The following WDR7 variants were observed in gnomAD, a reference collection of about 807,000 sequenced individuals.
WDR7 encodes the protein WD repeat-containing protein 7.
A neutral mutation model predicts 169.4 loss-of-function variants in WDR7; 46 were observed. The observed-to-expected ratio is 0.27, with a 90% CI of 0.21 to 0.35. The LOEUF (loss-of-function observed/expected upper bound fraction) is 0.35. Ranked by LOEUF, WDR7 falls within the 10% of genes least tolerant of loss-of-function variation. The pLI, the probability that WDR7 is intolerant of heterozygous loss-of-function variation, is 1.00. For synonymous variants in WDR7, 612 were observed against 666.8 expected (o/e 0.92, Z 1.27); for missense variants, 1,534 against 1,859.3 (o/e 0.83, Z 3.22).
intron 12 of WDR7, among the ~76,000 whole-genome samples, chr18:56,710,510 T>G (rs139623329): frequency 1.3e-5 from 2 of 152,206 alleles, no homozygotes; most frequent in Non-Finnish European, 2.9e-5. Flanking sequence ...CAATTCTACC[T>G]TGGGTATTTA....
chr18:56,655,963 A>G (rs1244477858), intron 1 of WDR7, among the ~76,000 whole-genome samples: 1 of 152,184 alleles, frequency 6.6e-6, no homozygotes, highest in East Asian at 1.9e-4. Context: ...ATTCCATGGT[A>G]CGTATGTATC....
At chr18:56,905,410 A>G (rs2046462362) in intron 21 of WDR7, among the ~76,000 whole-genome samples, 1 of 152,056 alleles carries the variant, frequency 6.6e-6, no homozygotes, top group South Asian at 2.1e-4. Context: ...CAGCCTCCCA[A>G]AGTGCTGGGA....
Position 56,932,633 on chromosome 18 carries a change from C to T in WDR7, c.3714-3155C>T, listed in dbSNP as rs539000188. 3.3e-5 allele frequency among the ~76,000 whole-genome samples: 5 copies of T among 152,188 alleles called. No homozygotes were observed. The East Asian group carries it at 5.8e-4, about 18-fold the overall frequency. ...TTTATTGTACATATAATAGAGGAGC[C>T]GGCAGGGCTAGTTGTTTTTGTATTT... On this transcript the variant is annotated intron_variant, in intron 22 of 27. Coordinates refer to ENST00000254442, the MANE Select transcript of WDR7 (RefSeq NM_015285.3).
intron 25 of WDR7, among the ~76,000 whole-genome samples, chr18:56,960,537 G>T (rs1322822630): frequency 6.6e-6 from 1 of 152,072 alleles, no homozygotes; most frequent in Non-Finnish European, 1.5e-5. Context: ...TAAAACATTT[G>T]TTAGATATTA....
chr18:56,808,394 T>G (rs1332109619), intron 19 of WDR7, among the ~76,000 whole-genome samples: 1 of 152,188 alleles, frequency 6.6e-6, no homozygotes, highest in Non-Finnish European at 1.5e-5. Context: ...GCCATTCTTT[T>G]GGATCTATTT....
chr18:56,853,735 A>C (rs17756945), intron 20 of WDR7, among the ~76,000 whole-genome samples: 1 of 152,130 alleles, frequency 6.6e-6, no homozygotes, highest in African/African-American at 2.4e-5. Flanking sequence ...TTTGTCTCAT[A>C]TATTGGTATG....
intron 21 of WDR7, among the ~76,000 whole-genome samples, chr18:56,888,383 G>T (rs7233975): frequency 2.4e-4 from 36 of 152,184 alleles, no homozygotes; most frequent in Middle Eastern, 3.4e-3. Flanking sequence ...TATCCCTCTG[G>T]GTTGCAGAAT....
intron 20 of WDR7, among the ~76,000 whole-genome samples, chr18:56,856,160 G>C (rs944557964): frequency 1.3e-5 from 2 of 152,190 alleles, no homozygotes; most frequent in Non-Finnish European, 2.9e-5. Context: ...CTGACACACT[G>C]TGAGAGCTCT....
At chr18:56,722,935 A>G (rs2026355225) in intron 13 of WDR7, among the ~76,000 whole-genome samples, 1 of 152,134 alleles carries the variant, frequency 6.6e-6, no homozygotes, top group Non-Finnish European at 1.5e-5. Flanking sequence ...CTGCCGGGAA[A>G]TTAATCTTAG....
intron 19 of WDR7, among the ~76,000 whole-genome samples, chr18:56,790,660 G>T (rs966708130): frequency 6.6e-6 from 1 of 151,728 alleles, no homozygotes; most frequent in Non-Finnish European, 1.5e-5. Flanking sequence ...TGTGGGGGAA[G>T]TATGGTATTT....
intron 20 of WDR7, among the ~76,000 whole-genome samples, chr18:56,858,122 G>A (rs8089422): frequency 0.061 from 9,339 of 152,136 alleles, 349 homozygotes; most frequent in Middle Eastern, 0.2. Flanking sequence ...CATGTGAATA[G>A]CCTTCAGTTA....
intron 21 of WDR7, among the ~76,000 whole-genome samples, chr18:56,922,986 C>T (rs2046747945): frequency 6.6e-6 from 1 of 152,114 alleles, no homozygotes; most frequent in Non-Finnish European, 1.5e-5. Context: ...CCTTCCTAGG[C>T]CTGCCCCCGA....
intron 14 of WDR7, among the ~76,000 whole-genome samples, chr18:56,748,116 C>G (rs763708354): frequency 6.6e-6 from 1 of 152,124 alleles, no homozygotes; most frequent in Non-Finnish European, 1.5e-5. Context: ...TTGATACATT[C>G]ATTTGAGATG....
chr18:56,929,819 G>A (rs944448170), intron 22 of WDR7, among the ~76,000 whole-genome samples: 2 of 152,206 alleles, frequency 1.3e-5, no homozygotes, highest in Non-Finnish European at 2.9e-5. Flanking sequence ...GAAACATATA[G>A]TATTAACCTT....
chr18:56,916,919 C>T (rs1328306798), intron 21 of WDR7, among the ~76,000 whole-genome samples: 2 of 152,106 alleles, frequency 1.3e-5, no homozygotes, highest in African/African-American at 2.4e-5. Flanking sequence ...AAAAATTAGC[C>T]GGGCGTGGTG....
intron 21 of WDR7, among the ~76,000 whole-genome samples, chr18:56,907,914 C>T (rs558687972): frequency 1.6e-3 from 249 of 152,268 alleles, no homozygotes; most frequent in African/African-American, 5.6e-3. Context: ...TACAAACATG[C>T]AGAACAGCAG....
chr18:56,952,704 T>G (rs550375658), intron 25 of WDR7, among the ~76,000 whole-genome samples: 3 of 152,330 alleles, frequency 2.0e-5, no homozygotes, highest in Non-Finnish European at 4.4e-5. Context: ...GGATAGTTTT[T>G]TAAAAGCATA....
At chr18:56,902,867 C>T (rs77408929) in intron 21 of WDR7, among the ~76,000 whole-genome samples, 119 of 152,210 alleles carry the variant, frequency 7.8e-4, no homozygotes, top group African/African-American at 2.9e-3. Context: ...ATCACTGTAT[C>T]GATAGAAAGT....
At chr18:56,775,768 A>T (rs776190136) in intron 16 of WDR7, among the ~76,000 whole-genome samples, 8 of 152,300 alleles carry the variant, frequency 5.3e-5, no homozygotes, top group Admixed American at 1.3e-4. Context: ...TGTGGAAATT[A>T]TGAAAAAGTT....
Sources: allele counts gnomAD v4.1 joint callset (sites outside exome capture counted in the v4.1 genomes callset), GRCh38; gene constraint gnomAD v4.1.1; transcripts MANE v1.5; gene names NCBI Gene and HGNC (gene_info 2026-07-23, HGNC 2026-07-21).